Variants in DLG2 observed in about 807,000 individuals in gnomAD.
The protein encoded by DLG2 is disks large homolog 2.
In DLG2, 45 loss-of-function variants were observed where a neutral mutation model predicts 132.5. That is an observed-to-expected ratio of 0.34 (90% CI 0.27 to 0.44). The LOEUF is 0.44. Ranked by LOEUF, DLG2 falls within the 20% of genes least tolerant of loss-of-function variation. DLG2 has a pLI of 1.00. For missense variants in DLG2, 1,045 were observed against 1,196.9 expected, an observed-to-expected ratio of 0.87 and a Z score of 1.87; for synonymous variants, 424 against 419.6, an observed-to-expected ratio of 1.01 and a Z score of -0.13.
chr11:85,487,594 G>T (rs1051033020), intron 3 of DLG2, among the ~76,000 whole-genome samples: 4 of 151,704 alleles, frequency 2.6e-5, no homozygotes, highest in Non-Finnish European at 4.4e-5. Context: ...TTCATAACTT[G>T]AAGACAGGTA....
chr11:84,208,314 T>C (rs993486405), intron 8 of DLG2, among the ~76,000 whole-genome samples: 2 of 151,470 alleles, frequency 1.3e-5, no homozygotes, highest in South Asian at 2.1e-4. Context: ...CTGTGGGCCA[T>C]GGTCACTCAT....
At chr11:85,363,898 G>A (rs541401610) in intron 3 of DLG2, among the ~76,000 whole-genome samples, 2 of 152,288 alleles carry the variant, frequency 1.3e-5, no homozygotes, top group African/African-American at 4.8e-5. Context: ...CAAGTTGACA[G>A]CATCATTTCT....
intron 22 of DLG2, among the ~76,000 whole-genome samples, chr11:83,477,763 T>C (rs1008981853): frequency 6.6e-6 from 1 of 152,024 alleles, no homozygotes; most frequent in African/African-American, 2.4e-5. Context: ...TATTTGTTTA[T>C]ACTATTTTTA....
At chr11:85,600,413 G>A (rs1306368125) in intron 2 of DLG2, among the ~76,000 whole-genome samples, 2 of 152,156 alleles carry the variant, frequency 1.3e-5, no homozygotes, top group Non-Finnish European at 2.9e-5. Context: ...ACACAGGTGT[G>A]CTGGTAAATA....
chr11:84,539,476 C>T (rs967185034), intron 6 of DLG2, among the ~76,000 whole-genome samples: 1 of 152,176 alleles, frequency 6.6e-6, no homozygotes, highest in Non-Finnish European at 1.5e-5. Flanking sequence ...TCTCTATTGC[C>T]TACAAAATGA....
At chr11:84,635,277 T>A (rs1482971418) in intron 6 of DLG2, among the ~76,000 whole-genome samples, 1 of 152,204 alleles carries the variant, frequency 6.6e-6, no homozygotes. Context: ...AAAGGCTTGA[T>A]GGACAGCCCT....
chr11:84,791,600 T>G (rs2073857203), intron 6 of DLG2, among the ~76,000 whole-genome samples: 1 of 152,174 alleles, frequency 6.6e-6, no homozygotes, highest in South Asian at 2.1e-4. Flanking sequence ...TGTTTTTGTG[T>G]TCTCTTAAAT....
chr11:84,376,002 T>C (rs1207916241), intron 7 of DLG2, among the ~76,000 whole-genome samples: 5 of 152,006 alleles, frequency 3.3e-5, no homozygotes, highest in South Asian at 2.1e-4. Context: ...TATTGTACTA[T>C]GTTGATGTCT....
chr11:84,151,488 T>A (rs1032608066), intron 9 of DLG2, among the ~76,000 whole-genome samples: 1 of 152,126 alleles, frequency 6.6e-6, no homozygotes, highest in South Asian at 2.1e-4. Flanking sequence ...TTTATCTTTT[T>A]AAAGAAACAA....
At chr11:83,861,701 A>G (rs572204063) in intron 16 of DLG2, among the ~76,000 whole-genome samples, 2 of 152,214 alleles carry the variant, frequency 1.3e-5, no homozygotes, top group East Asian at 3.9e-4. Context: ...TGAGAGTAGA[A>G]GGATAGTTAC....
At chr11:85,129,249 G>C (rs1283816981) in intron 5 of DLG2, among the ~76,000 whole-genome samples, 1 of 152,192 alleles carries the variant, frequency 6.6e-6, no homozygotes, top group African/African-American at 2.4e-5. Flanking sequence ...CCATGTGACA[G>C]AAACTCTGTA....
intron 9 of DLG2, among the ~76,000 whole-genome samples, chr11:84,100,533 C>G (rs979517296): frequency 6.6e-6 from 1 of 151,688 alleles, no homozygotes; most frequent in Non-Finnish European, 1.5e-5. Flanking sequence ...TATAGCTAGG[C>G]AGTCTTTATA....
chr11:84,903,587 A>G (rs1267139332), intron 6 of DLG2, among the ~76,000 whole-genome samples: 5 of 152,188 alleles, frequency 3.3e-5, no homozygotes, highest in African/African-American at 1.2e-4. Context: ...TAATGTACAC[A>G]TATAGTGTTA....
Position 83,631,711 on chromosome 11 carries a change from TTCTA to T in DLG2, c.1940+1496_1940+1499del, listed in dbSNP as rs780338767. On this transcript the variant is annotated intron_variant, in intron 19 of 27. Transcript: ENST00000376104. ...TTCTAGTATCTGAACAATTTATGCA[TTCTA>T]TCTCTTAATAAGACACTTGGTAATT... 6 of 152,320 alleles carry T rather than the reference TTCTA, an allele frequency of 3.9e-5. No individual in the cohort carries two copies. In the South Asian group the frequency reaches 6.2e-4, roughly 16 times the overall value. 9.4% of individuals were successfully genotyped at this position (152,320 alleles called of 1,614,324 possible). A position where few individuals can be genotyped will look rare whatever the true frequency, so the allele number is the denominator to read the frequency against.
chr11:84,600,902 A>G (rs2099575308), intron 6 of DLG2, among the ~76,000 whole-genome samples: 3 of 152,206 alleles, frequency 2.0e-5, no homozygotes, highest in Admixed American at 2.0e-4. Context: ...GTGTCCAAGG[A>G]ATGTTTAGAT....
At chr11:85,385,679 AAG>A (rs1426601668) in intron 3 of DLG2, among the ~76,000 whole-genome samples, 4 of 152,200 alleles carry the variant, frequency 2.6e-5, no homozygotes, top group African/African-American at 9.7e-5. Flanking sequence ...AAGCTATGCT[AAG>A]GCTGTGAAAC....
At chr11:84,447,838 C>G (rs138756428) in intron 7 of DLG2, among the ~76,000 whole-genome samples, 1 of 152,008 alleles carries the variant, frequency 6.6e-6, no homozygotes, top group Non-Finnish European at 1.5e-5. Context: ...AATTTTCTTA[C>G]AGCAGAAAAA....
chr11:84,820,491 T>A (rs561303897), intron 6 of DLG2, among the ~76,000 whole-genome samples: 1 of 151,908 alleles, frequency 6.6e-6, no homozygotes, highest in East Asian at 2.0e-4. Flanking sequence ...ACAGGAAAAA[T>A]CCCCTGGACT....
At chr11:84,988,938 C>T (rs957934890) in intron 6 of DLG2, among the ~76,000 whole-genome samples, 2 of 152,004 alleles carry the variant, frequency 1.3e-5, no homozygotes, top group Non-Finnish European at 2.9e-5. Context: ...TTGTAGATGA[C>T]ATCAATTTCT....
Sources: allele counts gnomAD v4.1 joint callset (sites outside exome capture counted in the v4.1 genomes callset), GRCh38; gene constraint gnomAD v4.1.1; transcripts MANE v1.5; gene names NCBI Gene and HGNC (gene_info 2026-07-23, HGNC 2026-07-21).